Variants in NT5C1A observed in about 807,000 individuals in gnomAD.
NT5C1A encodes cytosolic 5'-nucleotidase 1A.
Under a neutral mutation model 31.0 loss-of-function variants are expected in NT5C1A, and 18 were observed. That is an observed-to-expected ratio of 0.58 (90% CI 0.40 to 0.86). The LOEUF is 0.86. Among genes scored for constraint, NT5C1A ranks in the 40% least tolerant of loss-of-function variants. NT5C1A has a pLI of 0.00. For synonymous variants in NT5C1A, 185 were observed against 203.6 expected (o/e 0.91, Z 0.78); for missense variants, 470 against 505.4 (o/e 0.93, Z 0.67).
chr1:39,663,747 G>A (rs530895527), intron 3 of NT5C1A, among the ~76,000 whole-genome samples: 4 of 152,312 alleles, frequency 2.6e-5, no homozygotes, highest in African/African-American at 9.6e-5. Context: ...CAGACATCTG[G>A]CCCAAGCTGG....
At chr1:39,670,993 T>TC (rs1425872871) in intron 1 of NT5C1A, among the ~76,000 whole-genome samples, 1 of 152,172 alleles carries the variant, frequency 6.6e-6, no homozygotes, top group Admixed American at 6.5e-5. Context: ...TTGGAGGTGC[T>TC]AATTGAATGA....
rs1159204695 is a variant in NT5C1A, at chr1:39,652,946, C to T, written c.*6175G>A. Among the ~76,000 whole-genome samples, 4 of 151,930 alleles carry T rather than the reference C, an allele frequency of 2.6e-5. No homozygotes were observed. The highest frequency in any genetic ancestry group is 2.0e-4 in the Admixed American group (3 of 15,238). On this transcript the variant is annotated 3_prime_UTR_variant, in exon 6 of 6. Coordinates refer to ENST00000235628, the MANE Select transcript of NT5C1A (RefSeq NM_032526.3). ...TTTCGTAGCCATGGCCATGAGATGA[C>T]CAGGGCATCTGTATACAGTTGGCAG...
At chr1:39,664,492 T>TCTCCTCC (rs1553485422) in intron 3 of NT5C1A, among the ~76,000 whole-genome samples, 56 of 604 alleles carry the variant, frequency 0.093, 1 homozygote, top group Middle Eastern at 0.5. Flanking sequence ...GGATTTCTCC[T>TCTCCTCC]CCTCTCCTCT....
chr1:39,659,391 C>T lies in NT5C1A; in HGVS notation c.837G>A (p.Leu279=). The T allele has an allele frequency of 6.2e-7, 1 of 1,613,690 alleles. No homozygotes were observed. The highest frequency in any genetic ancestry group is 8.5e-7 in the Non-Finnish European group (1 of 1,179,980). Reference sequence around the variant, plus strand: ...AACTGGCTGCACTGCGTGCTGTCACCAAGTAGGTACGAATTGGGCACTCCA... The same window carrying T: ...AACTGGCTGCACTGCGTGCTGTCACTAAGTAGGTACGAATTGGGCACTCCA... The part of the protein sequence containing the change: ...LRLECPIRTY[L]VTARSAASSG... The change falls in exon 6 of 6, where the codon TTG becomes TTA. Residue 279 remains leucine (L), a synonymous_variant. Coordinates refer to ENST00000235628, the MANE Select transcript of NT5C1A (RefSeq NM_032526.3).
chr1:39,666,670 C>A (rs934508461), intron 1 of NT5C1A, among the ~76,000 whole-genome samples: 2 of 152,130 alleles, frequency 1.3e-5, no homozygotes, highest in Non-Finnish European at 2.9e-5. Flanking sequence ...GTATCTGCAA[C>A]CCAGATCTGT....
intron 1 of NT5C1A, among the ~76,000 whole-genome samples, chr1:39,670,876 C>CT (rs1570463882): frequency 6.6e-6 from 1 of 152,098 alleles, no homozygotes; most frequent in Non-Finnish European, 1.5e-5. Flanking sequence ...TACTCCCCCC[C>CT]CAACTCCCCT....
chr1:39,660,213 A>G (rs773240763), intron 5 of NT5C1A, among the ~76,000 whole-genome samples: 24 of 152,188 alleles, frequency 1.6e-4, no homozygotes, highest in Non-Finnish European at 2.9e-4. Context: ...TGGATTCCCA[A>G]GGATTTCAGA....
intron 1 of NT5C1A, among the ~76,000 whole-genome samples, chr1:39,669,580 G>T (rs1403601709): frequency 6.6e-6 from 1 of 152,208 alleles, no homozygotes; most frequent in Non-Finnish European, 1.5e-5. Flanking sequence ...GAAGGAATAG[G>T]AGCTGGGAAG....
chr1:39,667,326 C>T (rs1646528985), intron 1 of NT5C1A, among the ~76,000 whole-genome samples: 1 of 151,700 alleles, frequency 6.6e-6, no homozygotes, highest in African/African-American at 2.4e-5. Flanking sequence ...CTCAGCCTCC[C>T]AAGTAGCTGG....
At position 39,666,003 on chromosome 1, in the gene NT5C1A, T is replaced by C. The variant is rs1646519528; in HGVS notation, c.303+66A>G. On this transcript the variant is annotated intron_variant, in intron 2 of 5. Coordinates refer to ENST00000235628, the MANE Select transcript of NT5C1A (RefSeq NM_032526.3). ...CCCTTTCACCTTACTCAAATACTCA[T>C]GGGAGTGCTTTTTTCTAATCCCCAC... 3.4e-6 allele frequency: 5 copies of C among 1,464,054 alleles called. No homozygotes were observed. The South Asian group carries it at 3.8e-5, about 11-fold the overall frequency. 90.7% of individuals were successfully genotyped at this position (1,464,054 alleles called of 1,614,324 possible).
At position 39,672,071 on chromosome 1, in the gene NT5C1A, G is replaced by A. The variant is rs772069301; in HGVS notation, c.-33C>T. On this transcript the variant is annotated 5_prime_UTR_variant, in exon 1 of 6. Transcript: ENST00000235628. ...CTCTGACCCGGCCCGGCCAGAGCAG[G>A]CGGCGGCGTAGACGCGGAGGTGGCT... 25 of 1,534,082 alleles carry A rather than the reference G, an allele frequency of 1.6e-5. No homozygotes were observed. In the South Asian group the frequency reaches 2.1e-4, roughly 13 times the overall value.
At chr1:39,661,965 G>A (rs1308675129) in intron 4 of NT5C1A, among the ~76,000 whole-genome samples, 1 of 152,216 alleles carries the variant, frequency 6.6e-6, no homozygotes, top group African/African-American at 2.4e-5. Flanking sequence ...GGCCCTGGGA[G>A]ACAGCACAAG....
At chr1:39,659,566 T>A (rs1646479983) in intron 5 of NT5C1A, 80 bp from the exon 6 acceptor site, 1 of 1,490,012 alleles carries the variant, frequency 6.7e-7, no homozygotes, top group African/African-American at 1.4e-5. Flanking sequence ...AGCACTAGTG[T>A]CTTGTTTGGT....
At chr1:39,665,146 A>G (rs553263298) in intron 3 of NT5C1A, among the ~76,000 whole-genome samples, 55 of 152,330 alleles carry the variant, frequency 3.6e-4, no homozygotes, top group Admixed American at 1.8e-3. Context: ...TGTTAGCCCC[A>G]TCACAGTTAG....
chr1:39,663,403 A>C lies in NT5C1A; in HGVS notation c.465T>G (p.Gly155=), dbSNP rs1646502062. 1.9e-6 allele frequency: 3 copies of C among 1,614,030 alleles called. No homozygotes were observed. The highest frequency in any genetic ancestry group is 2.5e-6 in the Non-Finnish European group (3 of 1,179,998). ...TGAGGTAGCAGATCGGGCTGTTCCC[A>C]CCTGTCATGCAGAACCTCTCGATGA... is the stretch of plus-strand genomic sequence containing the variant. ...DLFIERFCMT[G]GNSPICYLKA... Residue 155 remains glycine, a synonymous_variant, in exon 4 of 6, where the codon GGT becomes GGG. Coordinates refer to ENST00000235628, the MANE Select transcript of NT5C1A (RefSeq NM_032526.3).
chr1:39,652,078 C>T lies in NT5C1A; in HGVS notation c.*7043G>A, dbSNP rs901317883. On this transcript the variant is annotated 3_prime_UTR_variant, in exon 6 of 6. Transcript: ENST00000235628. ...AAAAAAAAAAAAAAAGAAGTTTGTACATACGCAGTTTTGAACACACAAAGG... is the reference window on the plus strand; with the variant it reads ...AAAAAAAAAAAAAAAGAAGTTTGTATATACGCAGTTTTGAACACACAAAGG... Among the ~76,000 whole-genome samples the T allele has an allele frequency of 1.9e-5, 2 of 106,546 alleles. No individual in the cohort carries two copies. The highest frequency in any genetic ancestry group is 3.3e-5 in the African/African-American group (1 of 30,198). 69.9% of individuals were successfully genotyped at this position (106,546 alleles called of 152,430 possible).
Position 39,655,351 on chromosome 1 carries a change from C to G in NT5C1A, c.*3770G>C, listed in dbSNP as rs1205067609. The stretch of plus-strand genomic sequence containing the variant: ...ACAGGGGCCTTCACACTGGGTTTCT[C>G]AAAACTTGGGATTGTTTGGAAGTGC... On this transcript the variant is annotated 3_prime_UTR_variant, in exon 6 of 6. Transcript: ENST00000235628. Among the ~76,000 whole-genome samples, 1 of 152,184 alleles carries G rather than the reference C, an allele frequency of 6.6e-6. No individual in the cohort carries two copies. The highest frequency in any genetic ancestry group is 1.5e-5 in the Non-Finnish European group (1 of 68,026).
At chr1:39,670,876 C>A (rs1039666850) in intron 1 of NT5C1A, among the ~76,000 whole-genome samples, 1 of 152,098 alleles carries the variant, frequency 6.6e-6, no homozygotes, top group African/African-American at 2.4e-5. Flanking sequence ...TACTCCCCCC[C>A]CAACTCCCCT....
intron 1 of NT5C1A, among the ~76,000 whole-genome samples, chr1:39,666,632 C>G (rs576539862): frequency 6.6e-6 from 1 of 152,298 alleles, no homozygotes; most frequent in Non-Finnish European, 1.5e-5. Context: ...AAATGATGCC[C>G]ATAAATATGA....
Sources: allele counts gnomAD v4.1 joint callset (sites outside exome capture counted in the v4.1 genomes callset), GRCh38; gene constraint gnomAD v4.1.1; transcripts MANE v1.5; gene names NCBI Gene and HGNC (gene_info 2026-07-23, HGNC 2026-07-21).